SYT9: variants seen among roughly 807,000 people sequenced by gnomAD.
The protein encoded by SYT9 is synaptotagmin-9.
Under a neutral mutation model 48.4 loss-of-function variants are expected in SYT9, and 22 were observed. The observed-to-expected ratio is 0.45, with a 90% CI of 0.32 to 0.65. The LOEUF (loss-of-function observed/expected upper bound fraction) is 0.65, where lower values mean the gene tolerates loss of function less well. Among genes scored for constraint, SYT9 ranks in the 30% least tolerant of loss-of-function variants. SYT9 has a pLI of 0.03. For missense variants in SYT9, 577 were observed against 622.0 expected, an observed-to-expected ratio of 0.93 and a Z score of 0.77; for synonymous variants, 265 against 245.0, an observed-to-expected ratio of 1.08 and a Z score of -0.76.
At chr11:7,270,832 G>GACAC (rs56891844) in intron 1 of SYT9, among the ~76,000 whole-genome samples, 2,058 of 147,244 alleles carry the variant, frequency 0.014, 23 homozygotes, top group East Asian at 0.035. Context: ...ACAAGACACA[G>GACAC]ACACACACAC....
intron 6 of SYT9, among the ~76,000 whole-genome samples, chr11:7,443,708 A>C (rs1192420810): frequency 6.6e-6 from 1 of 152,264 alleles, no homozygotes; most frequent in Non-Finnish European, 1.5e-5. Flanking sequence ...GTTCCAAGTC[A>C]AGTGAAGGAT....
At chr11:7,379,985 G>A (rs1850530722) in intron 3 of SYT9, among the ~76,000 whole-genome samples, 1 of 152,094 alleles carries the variant, frequency 6.6e-6, no homozygotes, top group Non-Finnish European at 1.5e-5. Flanking sequence ...AGAGATATCT[G>A]CACTCTTATG....
At chr11:7,323,816 G>T (rs927154601) in intron 3 of SYT9, among the ~76,000 whole-genome samples, 5 of 151,946 alleles carry the variant, frequency 3.3e-5, no homozygotes, top group African/African-American at 1.2e-4. Flanking sequence ...ATGCGTGTGT[G>T]TGTTCAGCTA....
intron 1 of SYT9, among the ~76,000 whole-genome samples, chr11:7,298,209 T>C (rs2133929931): frequency 6.6e-6 from 1 of 152,300 alleles, no homozygotes; most frequent in South Asian, 2.1e-4. Flanking sequence ...CTGTTTTGTT[T>C]GGTTTTGTTT....
chr11:7,410,251 G>T (rs1050654293), intron 3 of SYT9, among the ~76,000 whole-genome samples: 5 of 152,098 alleles, frequency 3.3e-5, no homozygotes, highest in African/African-American at 1.2e-4. Flanking sequence ...ATCGTTTTGT[G>T]ACCTAACATA....
rs565932776 is a variant in SYT9, at chr11:7,468,246, C to T, written c.*1446C>T. 3.5e-5 allele frequency: 14 copies of T among 398,596 alleles called. No individual in the cohort carries two copies. The highest frequency in any genetic ancestry group is 4.9e-5 in the Non-Finnish European group (11 of 226,060). The allele number at this position is 398,596 out of a possible 1,614,324, so 24.7% of individuals were successfully genotyped here. Reference sequence around the variant, plus strand: ...ACATTTCAGCATGGAACTAACTGGGCGGAGGAAGGATCGTTATACGTCTTC... The same window carrying T: ...ACATTTCAGCATGGAACTAACTGGGTGGAGGAAGGATCGTTATACGTCTTC... On this transcript the variant is annotated 3_prime_UTR_variant, in exon 7 of 7. Coordinates refer to ENST00000318881, the MANE Select transcript of SYT9 (RefSeq NM_175733.4).
At chr11:7,425,075 T>C (rs1428770358) in intron 6 of SYT9, among the ~76,000 whole-genome samples, 1 of 152,196 alleles carries the variant, frequency 6.6e-6, no homozygotes, top group African/African-American at 2.4e-5. Flanking sequence ...CATCTCTAGA[T>C]ATTATCTGTC....
rs1050211446 is a variant in SYT9, at chr11:7,355,871, C to T, written c.1044+41930C>T. 9.8e-5 allele frequency among the ~76,000 whole-genome samples: 15 copies of T among 152,294 alleles called. No homozygotes were observed. In the South Asian group the frequency reaches 2.9e-3, roughly 29 times the overall value. On this transcript the variant is annotated intron_variant, in intron 3 of 6. Coordinates refer to ENST00000318881, the MANE Select transcript of SYT9 (RefSeq NM_175733.4). ...CATTTCTCATGCTGTGTCTTTGCTC[C>T]CAAATATACCAGGAGCTCATTGGTG...
chr11:7,349,196 G>C lies in SYT9; in HGVS notation c.1044+35255G>C, dbSNP rs538817116. On this transcript the variant is annotated intron_variant, in intron 3 of 6. Transcript: ENST00000318881. Reference sequence around the variant, plus strand: ...ACTCCACGAGCATTGCCGGGGACTGGGGGGAGGGGAAATTGTTTAATGGAT... The same window carrying C: ...ACTCCACGAGCATTGCCGGGGACTGCGGGGAGGGGAAATTGTTTAATGGAT... Among the ~76,000 whole-genome samples, 11 of 152,166 alleles carry C rather than the reference G, an allele frequency of 7.2e-5. No individual in the cohort carries two copies. The South Asian group carries it at 1.7e-3, about 23-fold the overall frequency.
rs1369455562 is a variant in SYT9, at chr11:7,391,761, A to AC, written c.1045-24281_1045-24280insC. Among the ~76,000 whole-genome samples, 10 of 148,430 alleles carry AC rather than the reference A, an allele frequency of 6.7e-5. 1 individual carries two copies. In the South Asian group the frequency reaches 2.2e-3, roughly 32 times the overall value. The stretch of plus-strand genomic sequence containing the variant: ...AAAAAAAAAAAAAAAAAAAAAAAAA[A>AC]AAAACCTAGCTAGGCGTGGTGGCAT... On this transcript the variant is annotated intron_variant, in intron 3 of 6. Coordinates refer to ENST00000318881, the MANE Select transcript of SYT9 (RefSeq NM_175733.4).
At position 7,407,530 on chromosome 11, in the gene SYT9, G is replaced by A. The variant is rs1453290187; in HGVS notation, c.1045-8512G>A. On this transcript the variant is annotated intron_variant, in intron 3 of 6. Transcript: ENST00000318881. ...CCAGTAGCTGGGACTACAGGCGCCC[G>A]CCACCGCGCCCGGCTAATTTTTTGT... Among the ~76,000 whole-genome samples the A allele has an allele frequency of 1.2e-4, 12 of 100,870 alleles. 2 individuals carry two copies. Among genetic ancestry groups the A allele is most frequent in the Non-Finnish European group, 1.9e-4 (10 of 53,396 alleles). 66.2% of individuals were successfully genotyped at this position (100,870 alleles called of 152,430 possible). A position where few individuals can be genotyped will look rare whatever the true frequency, so the allele number is the denominator to read the frequency against.
At chr11:7,408,274 A>G (rs986564713) in intron 3 of SYT9, among the ~76,000 whole-genome samples, 1 of 152,098 alleles carries the variant, frequency 6.6e-6, no homozygotes, top group Non-Finnish European at 1.5e-5. Flanking sequence ...GATTACAAGC[A>G]TGTGCCACCA....
rs565375192 is a variant in SYT9 at position 7,433,784 on chromosome 11, C to A, written c.1467+13149C>A. ...GACACCAAATCAGCTAGCACCTTAT[C>A]TTGGACTTTCCAGCCTCAAGGACTG... On this transcript the variant is annotated intron_variant, in intron 6 of 6. Coordinates refer to ENST00000318881, the MANE Select transcript of SYT9 (RefSeq NM_175733.4). 6.6e-5 allele frequency among the ~76,000 whole-genome samples: 10 copies of A among 152,352 alleles called. No homozygotes were observed. In the East Asian group the frequency reaches 1.9e-3, roughly 29 times the overall value.
At chr11:7,247,672 G>A (rs187277375), upstream of SYT9, among the ~76,000 whole-genome samples, 9 of 124,384 alleles carry the variant, frequency 7.2e-5, no homozygotes, top group South Asian at 2.5e-4. Context: ...GTATATATAC[G>A]TATATATGTG....
At chr11:7,249,161 C>T (rs778833316), upstream of SYT9, among the ~76,000 whole-genome samples, 59 of 152,300 alleles carry the variant, frequency 3.9e-4, no homozygotes, top group Non-Finnish European at 6.8e-4. Flanking sequence ...GGAATTAGGG[C>T]TTCAACATAA....
chr11:7,368,200 T>C (rs1850287609), intron 3 of SYT9, among the ~76,000 whole-genome samples: 1 of 152,204 alleles, frequency 6.6e-6, no homozygotes, highest in Non-Finnish European at 1.5e-5. Context: ...TCTCAATCCA[T>C]CTGAATAAAG....
chr11:7,269,234 T>A (rs1417874832), intron 1 of SYT9, among the ~76,000 whole-genome samples: 2 of 152,076 alleles, frequency 1.3e-5, no homozygotes, highest in African/African-American at 2.4e-5. Flanking sequence ...GGAAATGGGC[T>A]ATTCAGCAAA....
upstream of SYT9, among the ~76,000 whole-genome samples, chr11:7,247,655 T>TATATATATAC (rs1197889298): frequency 7.1e-4 from 97 of 137,534 alleles, 1 homozygote; most frequent in African/African-American, 1.9e-3. Flanking sequence ...TATATATATA[T>TATATATATAC]ACATATGTAT....
chr11:7,420,629 G>C lies in SYT9; in HGVS notation c.1461G>C (p.Leu487=). Residue 487 remains leucine (L), a synonymous_variant, in exon 6 of 7, where the codon CTG becomes CTC. Transcript: ENST00000318881. ...AGCCCATTGCACACTGGCATTCCCT[G>C]GTGGAGGTAAGACCCTAATCCACAT... ...PRKPIAHWHS[L]VEKR is the part of the protein sequence containing the mutation. 1 of 1,614,140 alleles carries C rather than the reference G, an allele frequency of 6.2e-7. No homozygotes were observed. Among genetic ancestry groups the C allele is most frequent in the African/African-American group, 1.3e-5 (1 of 75,034 alleles).
Sources: gnomAD v4.1 joint callset for allele counts (sites outside exome capture counted in the v4.1 genomes callset) on GRCh38, gnomAD v4.1.1 for gene constraint, MANE v1.5 for transcripts, NCBI Gene and HGNC (gene_info 2026-07-23, HGNC 2026-07-21) for gene names.